Variants in RNF144A observed in about 807,000 individuals in gnomAD.
The protein encoded by RNF144A is ring finger protein 144A.
A neutral mutation model predicts 38.7 loss-of-function variants in RNF144A; 11 were observed. The ratio of observed to expected loss-of-function variants is 0.28; its 90% CI spans 0.18 to 0.47. The LOEUF is 0.47. Among genes scored for constraint, RNF144A ranks in the 20% least tolerant of loss-of-function variants. The pLI, the probability that RNF144A is intolerant of heterozygous loss-of-function variation, is 0.99. For synonymous variants in RNF144A, 149 were observed against 143.9 expected, an observed-to-expected ratio of 1.04 and a Z score of -0.25; for missense variants, 316 against 377.2, an observed-to-expected ratio of 0.84 and a Z score of 1.34.
Position 6,975,074 on chromosome 2 carries a change from G to A in RNF144A, c.-11-21842G>A, listed in dbSNP as rs561880723. ...TTCATGTGTATTAGTCCATTTTCAT[G>A]CTGCTAATAAAGACATACCCAAGAC... On this transcript the variant is annotated intron_variant, in intron 2 of 8. Coordinates refer to ENST00000320892, the MANE Select transcript of RNF144A (RefSeq NM_014746.6). 2.0e-5 allele frequency among the ~76,000 whole-genome samples: 3 copies of A among 152,092 alleles called. 1 individual carries two copies. In the South Asian group the frequency reaches 6.3e-4, roughly 32 times the overall value.
chr2:7,057,640 A>G (rs1178119798), intron 6 of RNF144A, among the ~76,000 whole-genome samples: 2 of 152,214 alleles, frequency 1.3e-5, no homozygotes, highest in African/African-American at 4.8e-5. Context: ...CCTTTCATGC[A>G]GGAGAGAGGT....
intron 2 of RNF144A, among the ~76,000 whole-genome samples, chr2:6,984,876 G>T (rs1388853438): frequency 6.6e-6 from 1 of 152,108 alleles, no homozygotes; most frequent in Non-Finnish European, 1.5e-5. Context: ...CATGCATGGG[G>T]TCCACTCGTG....
intron 2 of RNF144A, 69 bp from the exon 3 acceptor site, chr2:6,996,847 A>G: frequency 2.0e-6 from 3 of 1,517,230 alleles, no homozygotes; most frequent in Non-Finnish European, 2.7e-6. Flanking sequence ...CAGCCAGGAG[A>G]ACCTTGCCAC....
intron 5 of RNF144A, among the ~76,000 whole-genome samples, chr2:7,016,096 C>A: frequency 7.1e-6 from 1 of 139,976 alleles, no homozygotes; most frequent in South Asian, 2.5e-4. Flanking sequence ...ATATTGAGAC[C>A]CCGTCTCTAA....
chr2:6,965,483 G>A (rs1186626908), intron 2 of RNF144A, among the ~76,000 whole-genome samples: 1 of 152,198 alleles, frequency 6.6e-6, no homozygotes, highest in Non-Finnish European at 1.5e-5. Flanking sequence ...CCTTTATGGA[G>A]TTTAAGGGAC....
chr2:6,965,217 T>C (rs1667584463), intron 2 of RNF144A, among the ~76,000 whole-genome samples: 2 of 152,162 alleles, frequency 1.3e-5, no homozygotes, highest in Admixed American at 6.5e-5. Context: ...ACACATGCAC[T>C]GGGACGAGGC....
chr2:6,987,241 G>A lies in RNF144A; in HGVS notation c.-11-9675G>A, dbSNP rs549054699. ...AATTGTTTTCCAAGCCAGGTGGCCT[G>A]CAAGAGAGGCTGCCTCCAGAAGCTG... On this transcript the variant is annotated intron_variant, in intron 2 of 8. Coordinates refer to ENST00000320892, the MANE Select transcript of RNF144A (RefSeq NM_014746.6). 2.6e-5 allele frequency among the ~76,000 whole-genome samples: 4 copies of A among 152,344 alleles called. No individual in the cohort carries two copies. The East Asian group carries it at 5.8e-4, about 22-fold the overall frequency.
chr2:7,030,187 G>A lies in RNF144A; in HGVS notation c.719G>A (p.Arg240Gln), dbSNP rs780374899. ...GPCRNKLGHS[R>Q]ASVIWHRTQV... ...TGCCGGAACAAGCTGGGCCACTCCCGGGCATCTGTGATCTGGCATCGGACA... is the reference window on the plus strand; with the variant it reads ...TGCCGGAACAAGCTGGGCCACTCCCAGGCATCTGTGATCTGGCATCGGACA... The change falls in exon 8 of 9, where the codon CGG (arginine) becomes CAG (glutamine). Residue 240 changes from arginine to glutamine, a missense_variant. Arg to Gln is a conservative substitution (Grantham distance 43). Coordinates refer to ENST00000320892, the MANE Select transcript of RNF144A (RefSeq NM_014746.6). The A allele has an allele frequency of 6.8e-6, 11 of 1,613,690 alleles. No individual in the cohort carries two copies. The highest frequency in any genetic ancestry group is 3.3e-5 in the Admixed American group (2 of 59,978).
chr2:7,039,743 G>C lies in RNF144A; in HGVS notation c.862G>C (p.Asp288His). Residue 288 changes from aspartate to histidine, a missense_variant, in exon 9 of 9, where the codon GAC (aspartate) becomes CAC (histidine). Physicochemically the swap from Asp to His is moderately conservative, Grantham distance 81 (BLOSUM62 -1). Transcript: ENST00000320892. ...CKCKCSKGDD[D>H]PLPT The stretch of plus-strand genomic sequence containing the variant: ...GTGCAAGTGCAGTAAAGGTGACGAC[G>C]ACCCGTTACCCACCTAGAGGAAGCG... The C allele has an allele frequency of 6.2e-7, 1 of 1,613,496 alleles. No individual in the cohort carries two copies.
intron 8 of RNF144A, among the ~76,000 whole-genome samples, chr2:7,038,897 A>G (rs762139337): frequency 6.0e-5 from 9 of 150,948 alleles, no homozygotes; most frequent in Non-Finnish European, 1.2e-4. Context: ...GGATGGATGG[A>G]TAGATGGATG....
chr2:6,995,448 A>G (rs1314964973), intron 2 of RNF144A, among the ~76,000 whole-genome samples: 1 of 152,186 alleles, frequency 6.6e-6, no homozygotes, highest in Non-Finnish European at 1.5e-5. Flanking sequence ...GTATTGACTC[A>G]CACGATCACG....
At chr2:7,056,456 C>G (rs1384121234) in intron 6 of RNF144A, among the ~76,000 whole-genome samples, 1 of 152,142 alleles carries the variant, frequency 6.6e-6, no homozygotes, top group African/African-American at 2.4e-5. Context: ...CTCCATCCCC[C>G]CAAATTCATA....
intron 7 of RNF144A, among the ~76,000 whole-genome samples, chr2:7,026,348 T>C (rs1671891720): frequency 6.6e-6 from 1 of 152,200 alleles, no homozygotes; most frequent in Non-Finnish European, 1.5e-5. Context: ...CATTTTTACT[T>C]CCTAGGCAAG....
At chr2:6,976,713 C>T (rs1408675926) in intron 2 of RNF144A, among the ~76,000 whole-genome samples, 2 of 150,766 alleles carry the variant, frequency 1.3e-5, no homozygotes, top group South Asian at 4.2e-4. Flanking sequence ...AAAACAGTTA[C>T]TCCTCACTCT....
At chr2:7,023,745 C>G (rs192651483) in intron 6 of RNF144A, among the ~76,000 whole-genome samples, 1 of 152,330 alleles carries the variant, frequency 6.6e-6, no homozygotes, top group Non-Finnish European at 1.5e-5. Context: ...CATGGTCACA[C>G]TGATGAGAAA....
chr2:6,994,046 A>T (rs771273), intron 2 of RNF144A, among the ~76,000 whole-genome samples: 121,484 of 152,178 alleles, frequency 0.8, 48,596 homozygotes, highest in South Asian at 0.92. Context: ...GTTATGTGAT[A>T]TCTTCAACAT....
At chr2:6,949,955 T>C (rs914822906) in intron 2 of RNF144A, among the ~76,000 whole-genome samples, 3 of 151,758 alleles carry the variant, frequency 2.0e-5, no homozygotes, top group Non-Finnish European at 4.4e-5. Flanking sequence ...ATTATTATTA[T>C]TATTTTTTTA....
At chr2:7,037,369 G>A (rs796952595) in intron 8 of RNF144A, among the ~76,000 whole-genome samples, 1 of 152,254 alleles carries the variant, frequency 6.6e-6, no homozygotes, top group East Asian at 1.9e-4. Flanking sequence ...TATTTTGACT[G>A]CAAAGAATGT....
At chr2:7,034,061 G>A (rs12476605) in intron 8 of RNF144A, among the ~76,000 whole-genome samples, 17,974 of 152,154 alleles carry the variant, frequency 0.12, 1,813 homozygotes, top group East Asian at 0.55. Context: ...TGCTCCTGGT[G>A]AGGAGAAGGT....
Sources: allele counts gnomAD v4.1 joint callset (sites outside exome capture counted in the v4.1 genomes callset), GRCh38; gene constraint gnomAD v4.1.1; transcripts MANE v1.5; gene names NCBI Gene and HGNC (gene_info 2026-07-23, HGNC 2026-07-21).